Variants in GNAI1 observed in about 807,000 individuals in gnomAD.
The protein encoded by GNAI1 is guanine nucleotide-binding protein G(i) subunit alpha-1.
A neutral mutation model predicts 38.9 loss-of-function variants in GNAI1; 11 were observed. That is an observed-to-expected ratio of 0.28 (90% confidence interval 0.18 to 0.47). GNAI1 has a LOEUF of 0.47. Among genes scored for constraint, GNAI1 ranks in the 20% least tolerant of loss-of-function variants. The probability of loss-of-function intolerance (pLI) is 0.99; values close to 1 mark genes in which losing one functional copy is unlikely to be tolerated. For synonymous variants in GNAI1, 166 were observed against 145.1 expected, an observed-to-expected ratio of 1.14 and a Z score of -1.04; for missense variants, 317 against 436.9, an observed-to-expected ratio of 0.73 and a Z score of 2.45.
intron 1 of GNAI1, among the ~76,000 whole-genome samples, chr7:80,161,421 T>C (rs991886345): frequency 6.6e-6 from 1 of 152,160 alleles, no homozygotes; most frequent in Non-Finnish European, 1.5e-5. Context: ...TGAGTACAGC[T>C]CTGGTGATTA....
rs1051387580 is a variant in GNAI1, at chr7:80,135,058, G to A, written c.-103G>A. The A allele has an allele frequency of 1.8e-5, 12 of 654,092 alleles. No individual in the cohort carries two copies. In the African/African-American group the frequency reaches 1.9e-4, roughly 10 times the overall value. 40.5% of individuals were successfully genotyped at this position (654,092 alleles called of 1,614,324 possible). A position where few individuals can be genotyped will look rare whatever the true frequency, so the allele number is the denominator to read the frequency against. Reference sequence around the variant, plus strand: ...GGTGGGGGCGGCGTGGCCCCCGTCGGGAGGCGTTCGAACGCCCGCTAGGAG... The same window carrying A: ...GGTGGGGGCGGCGTGGCCCCCGTCGAGAGGCGTTCGAACGCCCGCTAGGAG... On this transcript the variant is annotated 5_prime_UTR_variant, in exon 1 of 8. Coordinates refer to ENST00000649796, the MANE Select transcript of GNAI1 (RefSeq NM_002069.6).
rs1007882831 is a variant in GNAI1 at position 80,222,174 on chromosome 7, T to C, written c.*4681T>C. ...TCCAGAGGCCAGAGACACCCAAATA[T>C]GCACAGACAGGAATCAGCTGCAATT... is the stretch of plus-strand genomic sequence containing the variant. On this transcript the variant is annotated 3_prime_UTR_variant, in exon 8 of 8. Coordinates refer to ENST00000649796, the MANE Select transcript of GNAI1 (RefSeq NM_002069.6). Among the ~76,000 whole-genome samples, 14 of 152,040 alleles carry C rather than the reference T, an allele frequency of 9.2e-5. No homozygotes were observed. The highest frequency in any genetic ancestry group is 2.1e-4 in the Non-Finnish European group (14 of 67,994).
At chr7:80,192,375 G>A (rs996408882) in intron 3 of GNAI1, among the ~76,000 whole-genome samples, 1 of 152,120 alleles carries the variant, frequency 6.6e-6, no homozygotes, top group Non-Finnish European at 1.5e-5. Context: ...TTGCCTAACA[G>A]TCATTTGTTA....
At position 80,224,061 on chromosome 7, in the gene GNAI1, C is replaced by G. The variant is rs1437848513; in HGVS notation, c.*6568C>G. Among the ~76,000 whole-genome samples the G allele has an allele frequency of 6.6e-6, 1 of 152,074 alleles. No individual in the cohort carries two copies. The highest frequency in any genetic ancestry group is 6.6e-5 in the Admixed American group (1 of 15,264). ...TAAGGCTTCTAGATGCAGATTTATA[C>G]AATAGTGCTAAATCAAGACCTTGAA... On this transcript the variant is annotated 3_prime_UTR_variant, in exon 8 of 8. Coordinates refer to ENST00000649796, the MANE Select transcript of GNAI1 (RefSeq NM_002069.6).
At chr7:80,170,315 T>C (rs910108811) in intron 1 of GNAI1, among the ~76,000 whole-genome samples, 1 of 152,216 alleles carries the variant, frequency 6.6e-6, no homozygotes, top group African/African-American at 2.4e-5. Context: ...ATTGTCTACC[T>C]TTTTATTATG....
intron 5 of GNAI1, among the ~76,000 whole-genome samples, chr7:80,204,898 G>A (rs911016500): frequency 1.4e-4 from 20 of 147,330 alleles, no homozygotes; most frequent in African/African-American, 5.1e-4. Flanking sequence ...GACCACTGTA[G>A]TGTTACTTGA....
chr7:80,178,374 G>T (rs1170649668), intron 1 of GNAI1, among the ~76,000 whole-genome samples: 3 of 152,078 alleles, frequency 2.0e-5, no homozygotes, highest in Non-Finnish European at 2.9e-5. Context: ...AAGTTCTGCT[G>T]CGGGTAAAGT....
chr7:80,162,283 A>G (rs557372844), intron 1 of GNAI1, among the ~76,000 whole-genome samples: 25 of 152,304 alleles, frequency 1.6e-4, no homozygotes, highest in African/African-American at 5.1e-4. Context: ...TAGGCCACCC[A>G]GTCTGTGATA....
At chr7:80,179,256 T>C (rs1253469037) in intron 1 of GNAI1, among the ~76,000 whole-genome samples, 5 of 152,202 alleles carry the variant, frequency 3.3e-5, no homozygotes, top group Admixed American at 3.3e-4. Flanking sequence ...TGGCTCTCCA[T>C]CTTTAGCATG....
intron 4 of GNAI1, among the ~76,000 whole-genome samples, chr7:80,200,528 T>C (rs10272499): frequency 0.57 from 86,115 of 151,812 alleles, 25,640 homozygotes; most frequent in East Asian, 0.8. Context: ...AGCTGTTGGC[T>C]GTTAGGGACA....
intron 1 of GNAI1, among the ~76,000 whole-genome samples, chr7:80,137,433 G>A (rs1053013836): frequency 1.4e-5 from 2 of 141,382 alleles, no homozygotes; most frequent in Admixed American, 7.6e-5. Flanking sequence ...CGATTCTCCA[G>A]CCTCAGCCTC....
intron 1 of GNAI1, among the ~76,000 whole-genome samples, chr7:80,186,321 G>A (rs528825065): frequency 1.3e-5 from 2 of 152,168 alleles, no homozygotes; most frequent in East Asian, 1.9e-4. Context: ...ATGAGCCACC[G>A]TGCCTGGCCC....
At chr7:80,198,605 G>C (rs528562584) in intron 3 of GNAI1, among the ~76,000 whole-genome samples, 11 of 151,940 alleles carry the variant, frequency 7.2e-5, no homozygotes, top group African/African-American at 2.7e-4. Flanking sequence ...TGTTTTCTAT[G>C]CCTGGATTAG....
chr7:80,184,931 T>C (rs898533067), intron 1 of GNAI1, among the ~76,000 whole-genome samples: 1 of 152,328 alleles, frequency 6.6e-6, no homozygotes, highest in African/African-American at 2.4e-5. Context: ...TGATAGTTCC[T>C]GTGCCGGCCA....
At chr7:80,141,488 T>G (rs527470442) in intron 1 of GNAI1, among the ~76,000 whole-genome samples, 2 of 152,302 alleles carry the variant, frequency 1.3e-5, no homozygotes, top group African/African-American at 4.8e-5. Context: ...GTCTCTAGTT[T>G]TGAGCACTTT....
chr7:80,181,063 A>G (rs895012616), intron 1 of GNAI1, among the ~76,000 whole-genome samples: 5 of 150,560 alleles, frequency 3.3e-5, no homozygotes, highest in Non-Finnish European at 7.4e-5. Context: ...TTGTGGGAGG[A>G]AAAAAAAATC....
In GNAI1 at chr7:80,135,074, C is replaced by T. The variant is rs1410092284; in HGVS notation, c.-87C>T. 2.3e-6 allele frequency: 2 copies of T among 887,676 alleles called. No individual in the cohort carries two copies. Among genetic ancestry groups the T allele is most frequent in the Admixed American group, 3.7e-5 (1 of 27,328 alleles). 55.0% of individuals were successfully genotyped at this position (887,676 alleles called of 1,614,324 possible). A position where few individuals can be genotyped will look rare whatever the true frequency, so the allele number is the denominator to read the frequency against. On this transcript the variant is annotated 5_prime_UTR_variant, in exon 1 of 8. Coordinates refer to ENST00000649796, the MANE Select transcript of GNAI1 (RefSeq NM_002069.6). ...CCCCCGTCGGGAGGCGTTCGAACGC[C>T]CGCTAGGAGAGAGAAAGGATTCCCC...
chr7:80,146,392 A>G (rs1418858120), intron 1 of GNAI1, among the ~76,000 whole-genome samples: 1 of 152,128 alleles, frequency 6.6e-6, no homozygotes, highest in Non-Finnish European at 1.5e-5. Flanking sequence ...TGCAAAAGAG[A>G]AAAAAAGCAC....
chr7:80,183,595 T>C (rs1788334710), intron 1 of GNAI1, among the ~76,000 whole-genome samples: 1 of 151,620 alleles, frequency 6.6e-6, no homozygotes, highest in Non-Finnish European at 1.5e-5. Flanking sequence ...ATGATATAAA[T>C]GTGACCCTAA....
Sources: allele counts gnomAD v4.1 joint callset (sites outside exome capture counted in the v4.1 genomes callset), GRCh38; gene constraint gnomAD v4.1.1; transcripts MANE v1.5; gene names NCBI Gene and HGNC (gene_info 2026-07-23, HGNC 2026-07-21).